Variants in TYW1 observed in about 807,000 individuals in gnomAD.
TYW1 encodes the protein tRNA-yW synthesizing protein 1 homolog.
Under a neutral mutation model 96.2 loss-of-function variants are expected in TYW1, and 46 were observed. The observed-to-expected ratio is 0.48, with a 90% confidence interval of 0.38 to 0.61. The LOEUF (loss-of-function observed/expected upper bound fraction) is 0.61. Among genes scored for constraint, TYW1 ranks in the 20% least tolerant of loss-of-function variants. The pLI is 0.00. For synonymous variants in TYW1, 274 were observed against 323.0 expected, an observed-to-expected ratio of 0.85 and a Z score of 1.63; for missense variants, 684 against 909.6, an observed-to-expected ratio of 0.75 and a Z score of 3.19.
intron 15 of TYW1, among the ~76,000 whole-genome samples, chr7:67,232,153 C>A (rs1349683403): frequency 2.6e-5 from 4 of 151,750 alleles, no homozygotes; most frequent in African/African-American, 9.7e-5. Flanking sequence ...ATCTCTTGTA[C>A]CTGGGATGTA....
At chr7:67,029,781 A>G (rs559197440) in intron 7 of TYW1, among the ~76,000 whole-genome samples, 30 of 152,152 alleles carry the variant, frequency 2.0e-4, no homozygotes, top group Admixed American at 4.6e-4. Context: ...GCTCACTGCA[A>G]CCTTGAACTC....
Position 67,098,673 on chromosome 7 carries a change from T to G in TYW1, c.1517T>G (p.Ile506Ser). The G allele has an allele frequency of 6.2e-7, 1 of 1,614,140 alleles. No individual in the cohort carries two copies. Among genetic ancestry groups the G allele is most frequent in the South Asian group, 1.1e-5 (1 of 91,080 alleles). Reference protein sequence around the residue: ...RFLKLLHQCKISSFLVTNAQF... With the variant: ...RFLKLLHQCKSSSFLVTNAQF... ...TTGAAGCTACTCCACCAGTGTAAAATTTCCAGCTTCCTGGTCACAAACGCA... is the reference window on the plus strand; with the variant it reads ...TTGAAGCTACTCCACCAGTGTAAAAGTTCCAGCTTCCTGGTCACAAACGCA... The change falls in exon 12 of 16, where the codon ATT becomes AGT. Residue 506 changes from isoleucine (I) to serine (S), a missense_variant. Transcript: ENST00000359626.
At chr7:67,221,759 A>G (rs1480134706) in intron 15 of TYW1, among the ~76,000 whole-genome samples, 1 of 152,122 alleles carries the variant, frequency 6.6e-6, no homozygotes, top group Non-Finnish European at 1.5e-5. Context: ...ATACAAAACT[A>G]TGTTCCTTTA....
At chr7:67,191,343 A>G in intron 14 of TYW1, among the ~76,000 whole-genome samples, 1 of 152,176 alleles carries the variant, frequency 6.6e-6, no homozygotes, top group South Asian at 2.1e-4. Context: ...AGTGTGGGTT[A>G]TGCTTTTCAC....
At chr7:67,139,509 G>A (rs114803672) in intron 13 of TYW1, among the ~76,000 whole-genome samples, 3,062 of 151,850 alleles carry the variant, frequency 0.02, 46 homozygotes, top group African/African-American at 0.032. Flanking sequence ...GTATCTGCAG[G>A]GGATTGGTTC....
intron 15 of TYW1, among the ~76,000 whole-genome samples, chr7:67,208,429 C>T (rs544475611): frequency 5.9e-5 from 9 of 152,098 alleles, no homozygotes; most frequent in Non-Finnish European, 7.4e-5. Flanking sequence ...CGGTGGCTTA[C>T]GCCTGTAATC....
rs372114244 is a variant in TYW1, at chr7:67,017,990, C to T, written c.708C>T (p.Phe236=). ...EADFRAWKTK[F]ISQLQALQKG... ...ACTTCAGAGCATGGAAGACCAAGTT[C>T]ATCTCCCAGCTGCAGGCACTTCAGA... is the stretch of plus-strand genomic sequence containing the variant. The change falls in exon 6 of 16, where the codon TTC becomes TTT. Residue 236 remains phenylalanine, a synonymous_variant. Transcript: ENST00000359626. 97 of 1,614,002 alleles carry T rather than the reference C, an allele frequency of 6.0e-5. No individual in the cohort carries two copies. The highest frequency in any genetic ancestry group is 7.7e-5 in the Non-Finnish European group (91 of 1,180,042).
chr7:67,056,769 A>C (rs13308616), intron 9 of TYW1, among the ~76,000 whole-genome samples: 1 of 152,170 alleles, frequency 6.6e-6, no homozygotes, highest in African/African-American at 2.4e-5. Flanking sequence ...TGTGAATGTA[A>C]ATTTCAGTTT....
intron 6 of TYW1, among the ~76,000 whole-genome samples, chr7:67,019,871 T>C (rs1794180612): frequency 6.6e-6 from 1 of 152,302 alleles, no homozygotes; most frequent in Non-Finnish European, 1.5e-5. Flanking sequence ...ATATGAGGTA[T>C]GGTGTGCAAT....
intron 10 of TYW1, among the ~76,000 whole-genome samples, chr7:67,072,626 C>T (rs886503712): frequency 9.2e-5 from 14 of 152,064 alleles, no homozygotes; most frequent in African/African-American, 1.9e-4. Flanking sequence ...TATTAAACCT[C>T]GGTGAACATT....
At chr7:67,126,482 C>G (rs902361272) in intron 13 of TYW1, among the ~76,000 whole-genome samples, 1 of 152,110 alleles carries the variant, frequency 6.6e-6, no homozygotes, top group Non-Finnish European at 1.5e-5. Context: ...TTAATACTTA[C>G]CAATTTTTTC....
At chr7:67,123,929 T>C (rs1797838719) in intron 13 of TYW1, among the ~76,000 whole-genome samples, 1 of 152,076 alleles carries the variant, frequency 6.6e-6, no homozygotes, top group Non-Finnish European at 1.5e-5. Flanking sequence ...TATAGAGGGA[T>C]GAATGGGAAA....
chr7:67,229,399 C>T (rs1333431387), intron 15 of TYW1, among the ~76,000 whole-genome samples: 5 of 81,882 alleles, frequency 6.1e-5, no homozygotes, highest in East Asian at 2.2e-4. Context: ...TTAGCTGGGC[C>T]GTGGTGGGGC....
At chr7:67,047,491 A>G (rs2953026) in intron 7 of TYW1, among the ~76,000 whole-genome samples, 9 of 152,302 alleles carry the variant, frequency 5.9e-5, no homozygotes, top group South Asian at 2.1e-4. Context: ...ACAAATGATC[A>G]ATGTTTGTTT....
intron 15 of TYW1, among the ~76,000 whole-genome samples, chr7:67,210,134 T>C (rs906038695): frequency 6.6e-6 from 1 of 152,224 alleles, no homozygotes; most frequent in Admixed American, 6.5e-5. Context: ...TTGTCAATTC[T>C]CTTTAGGCTC....
At chr7:67,233,073 T>G (rs1307722096) in intron 15 of TYW1, among the ~76,000 whole-genome samples, 6 of 79,310 alleles carry the variant, frequency 7.6e-5, no homozygotes, top group Non-Finnish European at 1.2e-4. Flanking sequence ...GAATCTTGGA[T>G]TTCTCTATTT....
intron 13 of TYW1, among the ~76,000 whole-genome samples, chr7:67,162,187 G>A (rs1235164516): frequency 2.0e-5 from 3 of 151,862 alleles, no homozygotes; most frequent in Non-Finnish European, 4.4e-5. Context: ...GGTGGCGGGT[G>A]CCTGTAGTCC....
chr7:67,237,736 A>G (rs1234441424), intron 15 of TYW1, among the ~76,000 whole-genome samples: 1 of 152,088 alleles, frequency 6.6e-6, no homozygotes, highest in Non-Finnish European at 1.5e-5. Flanking sequence ...TTAAGAGAGT[A>G]CAAATTGGAT....
At chr7:67,148,121 G>A (rs1050509090) in intron 13 of TYW1, among the ~76,000 whole-genome samples, 2 of 151,928 alleles carry the variant, frequency 1.3e-5, no homozygotes, top group African/African-American at 4.8e-5. Flanking sequence ...GTTTGTGGGG[G>A]GGCTTTGAGG....
Sources: gnomAD v4.1 joint callset for allele counts (sites outside exome capture counted in the v4.1 genomes callset) on GRCh38, gnomAD v4.1.1 for gene constraint, MANE v1.5 for transcripts, NCBI Gene and HGNC (gene_info 2026-07-23, HGNC 2026-07-21) for gene names.